MYO1B: variants seen among roughly 807,000 people sequenced by gnomAD.
MYO1B encodes unconventional myosin-Ib.
In MYO1B, 72 loss-of-function variants were observed where a neutral mutation model predicts 159.7. The ratio of observed to expected loss-of-function variants is 0.45; its 90% CI spans 0.37 to 0.55. The LOEUF is 0.55. Ranked by LOEUF, MYO1B falls within the 20% of genes least tolerant of loss-of-function variation. The pLI is 0.00. For missense variants in MYO1B, 1,062 were observed against 1,364.8 expected, an observed-to-expected ratio of 0.78 and a Z score of 3.50; for synonymous variants, 468 against 473.8, an observed-to-expected ratio of 0.99 and a Z score of 0.16.
At chr2:191,362,206 A>C in intron 8 of MYO1B, 62 bp from the exon 9 acceptor site, 8 of 1,241,228 alleles carry the variant, frequency 6.4e-6, no homozygotes, top group East Asian at 2.4e-5. Context: ...ATCAAAGGGA[A>C]TGAGATATTA....
At chr2:191,248,716 T>C (rs1489019315) in intron 1 of MYO1B, among the ~76,000 whole-genome samples, 1 of 152,226 alleles carries the variant, frequency 6.6e-6, no homozygotes, top group Non-Finnish European at 1.5e-5. Flanking sequence ...GGACCCTCTG[T>C]GCTTGTGTAG....
chr2:191,364,019 C>T (rs955876034), intron 10 of MYO1B, 139 bp from the exon 11 acceptor site: 2 of 1,266,736 alleles, frequency 1.6e-6, no homozygotes, highest in Non-Finnish European at 2.3e-6. Flanking sequence ...AGAACTGTGG[C>T]TAAGCTTTGT....
chr2:191,340,799 C>T (rs1236457648), intron 4 of MYO1B, among the ~76,000 whole-genome samples: 1 of 151,788 alleles, frequency 6.6e-6, no homozygotes, highest in East Asian at 1.9e-4. Context: ...GATCTCAGCT[C>T]ACTGCAACCT....
chr2:191,308,112 C>T (rs950320157), intron 3 of MYO1B, among the ~76,000 whole-genome samples: 25 of 152,132 alleles, frequency 1.6e-4, no homozygotes, highest in African/African-American at 5.3e-4. Flanking sequence ...ACATCCCTAT[C>T]CTGATGCTAC....
intron 21 of MYO1B, among the ~76,000 whole-genome samples, chr2:191,396,860 G>A (rs909806035): frequency 6.6e-6 from 1 of 152,122 alleles, no homozygotes; most frequent in Non-Finnish European, 1.5e-5. Flanking sequence ...AGTGACTTCC[G>A]TAACTGTCCA....
intron 2 of MYO1B, among the ~76,000 whole-genome samples, chr2:191,292,156 A>G (rs895182604): frequency 6.6e-6 from 1 of 152,236 alleles, no homozygotes; most frequent in Non-Finnish European, 1.5e-5. Flanking sequence ...GAGAGAAAGC[A>G]TAGTTTCTTT....
chr2:191,275,977 T>TTAGTG (rs1443770118), intron 1 of MYO1B, among the ~76,000 whole-genome samples: 3 of 152,250 alleles, frequency 2.0e-5, no homozygotes, highest in African/African-American at 7.2e-5. Context: ...GGTGGCACCA[T>TTAGTG]GCACATTAGT....
chr2:191,296,073 TACTA>T (rs1688966505), intron 2 of MYO1B, 34 bp from the exon 3 acceptor site: 2 of 1,216,698 alleles, frequency 1.6e-6, no homozygotes, highest in Admixed American at 2.2e-5. Context: ...ACATTTTGTG[TACTA>T]ACTAATGGGC....
At chr2:191,385,750 G>A (rs1311210025) in intron 15 of MYO1B, 134 bp from the exon 16 acceptor site, 13 of 913,942 alleles carry the variant, frequency 1.4e-5, no homozygotes, top group Non-Finnish European at 2.2e-5. Context: ...ATTGTTTTGA[G>A]TCTCTGCTTT....
At chr2:191,372,936 GAGTGC>G (rs1412122069) in intron 13 of MYO1B, among the ~76,000 whole-genome samples, 1 of 131,578 alleles carries the variant, frequency 7.6e-6, no homozygotes, top group Non-Finnish European at 1.5e-5. Context: ...CTCCAGGCTG[GAGTGC>G]AGTGGTGCGA....
chr2:191,358,590 G>A (rs929883948), intron 7 of MYO1B, among the ~76,000 whole-genome samples: 6 of 152,252 alleles, frequency 3.9e-5, no homozygotes, highest in Non-Finnish European at 1.5e-5. Flanking sequence ...AGACTGGCCA[G>A]TGTGTTGCTG....
intron 3 of MYO1B, among the ~76,000 whole-genome samples, chr2:191,297,137 A>G (rs1437555597): frequency 2.4e-5 from 3 of 124,630 alleles, no homozygotes; most frequent in African/African-American, 8.0e-5. Flanking sequence ...TCTCATGTCC[A>G]CTACTGAGTT....
At chr2:191,305,186 C>G (rs1689575940) in intron 3 of MYO1B, among the ~76,000 whole-genome samples, 1 of 152,180 alleles carries the variant, frequency 6.6e-6, no homozygotes, top group Admixed American at 6.5e-5. Context: ...TGGCCCCACC[C>G]TTTGTTGTTG....
intron 4 of MYO1B, among the ~76,000 whole-genome samples, chr2:191,333,001 A>C (rs1047142659): frequency 6.6e-6 from 1 of 152,230 alleles, no homozygotes; most frequent in African/African-American, 2.4e-5. Flanking sequence ...ATCATGTACT[A>C]ATCCAAGGAG....
At chr2:191,326,813 T>C (rs10193249) in intron 3 of MYO1B, among the ~76,000 whole-genome samples, 36,157 of 143,296 alleles carry the variant, frequency 0.25, 4,792 homozygotes, top group South Asian at 0.42. Context: ...TGTGTGTGTG[T>C]GTGCGCGCGC....
At chr2:191,294,786 G>A (rs1216347843) in intron 2 of MYO1B, among the ~76,000 whole-genome samples, 1 of 151,470 alleles carries the variant, frequency 6.6e-6, no homozygotes, top group South Asian at 2.1e-4. Context: ...CTTACAGGAT[G>A]AAAGTGTGTT....
At chr2:191,400,891 T>C in intron 23 of MYO1B, 56 bp downstream of exon 23, 1 of 1,529,348 alleles carries the variant, frequency 6.5e-7, no homozygotes, top group South Asian at 1.2e-5. Flanking sequence ...TAATCAGTCC[T>C]TACCTCTAGC....
intron 3 of MYO1B, 59 bp downstream of exon 3, chr2:191,296,285 G>GCTGCACAC: frequency 7.4e-6 from 7 of 947,192 alleles, no homozygotes; most frequent in South Asian, 2.0e-5. Flanking sequence ...GTAGTTGACA[G>GCTGCACAC]ATGTGTGCAG....
intron 1 of MYO1B, among the ~76,000 whole-genome samples, chr2:191,251,814 A>G (rs540778826): frequency 6.6e-6 from 1 of 152,296 alleles, no homozygotes; most frequent in Non-Finnish European, 1.5e-5. Context: ...GTTACATGAA[A>G]GCATTTTCAC....
Sources: allele counts gnomAD v4.1 joint callset (sites outside exome capture counted in the v4.1 genomes callset), GRCh38; gene constraint gnomAD v4.1.1; transcripts MANE v1.5; gene names NCBI Gene and HGNC (gene_info 2026-07-23, HGNC 2026-07-21).